STPG2: variants seen among roughly 807,000 people sequenced by gnomAD.
STPG2 encodes the protein sperm tail PG-rich repeat containing 2.
Under a neutral mutation model 54.2 loss-of-function variants are expected in STPG2, and 56 were observed. That is an observed-to-expected ratio of 1.03 (90% CI 0.83 to 1.29). The LOEUF (loss-of-function observed/expected upper bound fraction) is 1.29, where lower values mean the gene tolerates loss of function less well. Among genes scored for constraint, STPG2 ranks in the 50% most tolerant of loss-of-function variants. The pLI is 0.00. For synonymous variants in STPG2, 200 were observed against 181.8 expected, an observed-to-expected ratio of 1.10 and a Z score of -0.81; for missense variants, 596 against 544.9, an observed-to-expected ratio of 1.09 and a Z score of -0.93.
At chr4:97,914,898 A>T (rs961840929) in intron 8 of STPG2, among the ~76,000 whole-genome samples, 3 of 152,192 alleles carry the variant, frequency 2.0e-5, no homozygotes, top group Non-Finnish European at 4.4e-5. Flanking sequence ...TACTTCATAT[A>T]AGTGGAATCA....
chr4:97,906,888 T>A (rs1157200645), intron 8 of STPG2, among the ~76,000 whole-genome samples: 1 of 152,116 alleles, frequency 6.6e-6, no homozygotes, highest in Non-Finnish European at 1.5e-5. Context: ...GAGCTATCTA[T>A]GACAAACCCA....
At chr4:97,986,258 C>T (rs887679341) in intron 5 of STPG2, among the ~76,000 whole-genome samples, 4 of 152,180 alleles carry the variant, frequency 2.6e-5, no homozygotes, top group Non-Finnish European at 5.9e-5. Flanking sequence ...ATAATCAGAG[C>T]CATACATACC....
intron 9 of STPG2, among the ~76,000 whole-genome samples, chr4:97,728,331 G>A (rs1179355942): frequency 6.6e-6 from 1 of 151,916 alleles, no homozygotes; most frequent in African/African-American, 2.4e-5. Flanking sequence ...TTGATGTCAA[G>A]GAGTTCATTT....
chr4:97,653,579 G>A (rs1722135591), intron 10 of STPG2, among the ~76,000 whole-genome samples: 1 of 151,892 alleles, frequency 6.6e-6, no homozygotes, highest in Admixed American at 6.6e-5. Context: ...TACATACATT[G>A]GATCTAACAA....
chr4:98,041,974 T>C (rs1445984093), intron 5 of STPG2, among the ~76,000 whole-genome samples: 6 of 151,984 alleles, frequency 3.9e-5, no homozygotes, highest in African/African-American at 1.4e-4. Flanking sequence ...AGGCTTTCTT[T>C]TCTTAGGAGA....
intron 10 of STPG2, among the ~76,000 whole-genome samples, chr4:97,703,284 C>T (rs1251972540): frequency 6.6e-6 from 1 of 150,988 alleles, no homozygotes; most frequent in African/African-American, 2.4e-5. Flanking sequence ...TCTAGAACCC[C>T]AAAACCAGCA....
chr4:97,837,144 AT>A (rs1268577195), intron 9 of STPG2, among the ~76,000 whole-genome samples: 2 of 151,542 alleles, frequency 1.3e-5, no homozygotes, highest in Non-Finnish European at 3.0e-5. Flanking sequence ...TTTTCTTTCC[AT>A]TTAGGACATT....
intron 1 of STPG2, among the ~76,000 whole-genome samples, chr4:98,141,875 C>T (rs981412890): frequency 2.8e-5 from 4 of 143,836 alleles, no homozygotes; most frequent in African/African-American, 7.9e-5. Context: ...TGCCCTGATT[C>T]GGCATTTAAC....
intron 9 of STPG2, among the ~76,000 whole-genome samples, chr4:97,774,173 T>G (rs961188501): frequency 5.3e-5 from 8 of 152,200 alleles, no homozygotes; most frequent in African/African-American, 1.9e-4. Context: ...AGATTTGTAT[T>G]CTATTACGTA....
At chr4:98,002,768 T>C (rs879512507) in intron 5 of STPG2, among the ~76,000 whole-genome samples, 2 of 152,092 alleles carry the variant, frequency 1.3e-5, no homozygotes, top group Non-Finnish European at 2.9e-5. Flanking sequence ...AATTCTTTGC[T>C]TATGTCTTTA....
At chr4:97,590,072 CAT>C (rs1237465436) in intron 10 of STPG2, among the ~76,000 whole-genome samples, 2 of 152,126 alleles carry the variant, frequency 1.3e-5, no homozygotes, top group Admixed American at 1.3e-4. Context: ...GCCCATGAGT[CAT>C]AGTCAGCTAA....
At chr4:97,729,439 C>T (rs1048860749) in intron 9 of STPG2, among the ~76,000 whole-genome samples, 1 of 152,034 alleles carries the variant, frequency 6.6e-6, no homozygotes. Flanking sequence ...GGTGAAGCCA[C>T]CTATATGAGT....
At chr4:98,134,960 T>C (rs1361191395) in intron 1 of STPG2, among the ~76,000 whole-genome samples, 1 of 151,824 alleles carries the variant, frequency 6.6e-6, no homozygotes, top group African/African-American at 2.4e-5. Context: ...TATTTCTTGA[T>C]TGGCTGACCC....
At chr4:98,014,876 T>C (rs1354811525) in intron 5 of STPG2, among the ~76,000 whole-genome samples, 2 of 152,170 alleles carry the variant, frequency 1.3e-5, no homozygotes, top group African/African-American at 2.4e-5. Context: ...CTTTGGAAGG[T>C]ATAATATTCT....
chr4:97,464,173 C>T (rs1277931880), intron 4 of STPG2, among the ~76,000 whole-genome samples: 1 of 151,916 alleles, frequency 6.6e-6, no homozygotes, highest in Non-Finnish European at 1.5e-5. Flanking sequence ...ACATTTAGCT[C>T]TGTAAAAAAT....
chr4:97,512,707 T>C (rs1730997933), intron 4 of STPG2, among the ~76,000 whole-genome samples: 1 of 152,036 alleles, frequency 6.6e-6, no homozygotes, highest in African/African-American at 2.4e-5. Flanking sequence ...TTAAAAATAT[T>C]AGTAATAGCT....
intron 4 of STPG2, among the ~76,000 whole-genome samples, chr4:97,530,917 T>A (rs1731399669): frequency 1.3e-5 from 2 of 152,170 alleles, no homozygotes; most frequent in African/African-American, 4.8e-5. Flanking sequence ...ACATGGAGGA[T>A]GCATCTGGGC....
intron 3 of STPG2, among the ~76,000 whole-genome samples, chr4:98,122,110 T>TG (rs56009502): frequency 0.99 from 151,457 of 152,238 alleles, 75,342 homozygotes; most frequent in East Asian, 1. Flanking sequence ...CTGAGACAAT[T>TG]GGGCTTTCTA....
intron 5 of STPG2, among the ~76,000 whole-genome samples, chr4:98,022,745 C>A (rs1310501966): frequency 6.6e-6 from 1 of 152,106 alleles, no homozygotes; most frequent in Non-Finnish European, 1.5e-5. Flanking sequence ...CTAAACTTCC[C>A]TTCTTGCTTC....
Sources: gnomAD v4.1 joint callset for allele counts (sites outside exome capture counted in the v4.1 genomes callset) on GRCh38, gnomAD v4.1.1 for gene constraint, MANE v1.5 for transcripts, NCBI Gene and HGNC (gene_info 2026-07-23, HGNC 2026-07-21) for gene names.